The following TUBGCP2 variants were observed in gnomAD, a reference collection of about 807,000 sequenced individuals.
The protein encoded by TUBGCP2 is tubulin gamma complex component 2.
TUBGCP2 carries 55 observed loss-of-function variants against 92.2 expected under a neutral mutation model. The ratio of observed to expected loss-of-function variants is 0.60; its 90% CI spans 0.48 to 0.75. The LOEUF (loss-of-function observed/expected upper bound fraction) is 0.75. TUBGCP2 is among the 30% of genes least tolerant of loss of function. The pLI is 0.00. For missense variants in TUBGCP2, 1,093 were observed against 1,188.9 expected (o/e 0.92, Z 1.19); for synonymous variants, 533 against 505.2 (o/e 1.06, Z -0.74).
chr10:133,308,366 T>C (rs1847878978), intron 1 of TUBGCP2: 1 of 152,224 alleles, frequency 6.6e-6, no homozygotes, highest in Non-Finnish European at 1.5e-5. Flanking sequence ...GAAAGGGCCT[T>C]TGAACTAAAG....
At chr10:133,287,311 C>T (rs1388473279) in intron 11 of TUBGCP2, among the ~76,000 whole-genome samples, 3 of 152,156 alleles carry the variant, frequency 2.0e-5, no homozygotes, top group Admixed American at 6.5e-5. Flanking sequence ...GCAAACCCTG[C>T]CAAACAGCCA....
intron 4 of TUBGCP2, among the ~76,000 whole-genome samples, chr10:133,298,731 G>GC (rs1847551200): frequency 1.3e-5 from 2 of 152,248 alleles, no homozygotes; most frequent in African/African-American, 4.8e-5. Flanking sequence ...TCTGCACGTG[G>GC]CAGTAAGACC....
rs1047872771 is a variant in TUBGCP2 at position 133,288,842 on chromosome 10, G to A, written c.1539C>T (p.Leu513=). 6.2e-7 allele frequency: 1 copy of A among 1,608,724 alleles called. No individual in the cohort carries two copies. Among genetic ancestry groups the A allele is most frequent in the Admixed American group, 1.7e-5 (1 of 59,344 alleles). ...ACAGGGACAGGGCACGGAATCACCT[G>A]AGGTGAGCCACCAGCTCCTTCTCCT... The part of the protein sequence containing the change: ...LMEEKELVAH[L]RSIKRYFLMD... Residue 513 remains leucine, a splice_region_variant and synonymous_variant, in exon 10 of 18, where the codon CTC becomes CTT. Transcript: ENST00000252936.
At chr10:133,283,266 C>T in intron 14 of TUBGCP2, 45 bp from the exon 15 acceptor site, 1 of 1,612,140 alleles carries the variant, frequency 6.2e-7, no homozygotes, top group Non-Finnish European at 8.5e-7. Flanking sequence ...ACGTGGCTGA[C>T]AGACGGGCCC....
At position 133,283,138 on chromosome 10, in the gene TUBGCP2, C is replaced by T; in HGVS notation, c.2229G>A (p.Glu743=). 6.2e-7 allele frequency: 1 copy of T among 1,614,238 alleles called. No individual in the cohort carries two copies. Among genetic ancestry groups the T allele is most frequent in the East Asian group, 2.2e-5 (1 of 44,882 alleles). The change falls in exon 15 of 18, where the codon GAG becomes GAA. Residue 743 remains glutamate, a synonymous_variant. Coordinates refer to ENST00000252936, the MANE Select transcript of TUBGCP2 (RefSeq NM_006659.4). ...CLKDCMLTNP[E]LLKVFSKLMS... ...TGAGCTTGGAGAAGACCTTCAGCAGCTCGGGGTTGGTGAGCATGCAGTCCT... is the reference window on the plus strand; with the variant it reads ...TGAGCTTGGAGAAGACCTTCAGCAGTTCGGGGTTGGTGAGCATGCAGTCCT...
intron 2 of TUBGCP2, chr10:133,301,777 A>G (rs981311798): frequency 1.6e-5 from 2 of 121,382 alleles, no homozygotes; most frequent in South Asian, 2.7e-4. Context: ...CAGTGGCACG[A>G]TATCTCGGCT....
rs757577563 is a variant in TUBGCP2, at chr10:133,284,009, G to A, written c.2025-7C>T. 3.5e-5 allele frequency: 57 copies of A among 1,612,806 alleles called. No homozygotes were observed. In the South Asian group the frequency reaches 6.2e-4, roughly 17 times the overall value. ...AGTGAAAGCCCCAGCAAACCTGAGT[G>A]ACACGGAGGACGGAGGACAGCCATG... is the stretch of plus-strand genomic sequence containing the variant. On this transcript the variant is annotated splice_region_variant and splice_polypyrimidine_tract_variant and intron_variant, in intron 13 of 17. Coordinates refer to ENST00000252936, the MANE Select transcript of TUBGCP2 (RefSeq NM_006659.4).
intron 11 of TUBGCP2, among the ~76,000 whole-genome samples, chr10:133,286,052 T>C (rs1158781019): frequency 6.6e-6 from 1 of 152,106 alleles, no homozygotes; most frequent in Non-Finnish European, 1.5e-5. Flanking sequence ...ATCACTCGAG[T>C]ATTTGCTAAG....
chr10:133,279,798 G>T lies in TUBGCP2; in HGVS notation c.2677C>A (p.Pro893Thr). 6.4e-7 allele frequency: 1 copy of T among 1,570,042 alleles called. No homozygotes were observed. Among genetic ancestry groups the T allele is most frequent in the Non-Finnish European group, 8.6e-7 (1 of 1,158,186 alleles). ...QVPVLRGPPA[P>T]APRVAVTAQ is the part of the protein sequence containing the mutation. ...GCGGTGACTGCGACCCTGGGTGCAGGAGCCGGGGGCCCCCGCAGGACAGGC... is the reference window on the plus strand; with the variant it reads ...GCGGTGACTGCGACCCTGGGTGCAGTAGCCGGGGGCCCCCGCAGGACAGGC... The change falls in exon 18 of 18, where the codon CCT becomes ACT. Residue 893 changes from proline (P) to threonine (T), a missense_variant. Around this residue, in one of 3 missense-constraint regions of TUBGCP2, gnomAD observed 598 missense variants for 675.5 expected, o/e 0.89. Transcript: ENST00000252936.
At chr10:133,297,625 A>G (rs755368151) in intron 5 of TUBGCP2, among the ~76,000 whole-genome samples, 4 of 152,262 alleles carry the variant, frequency 2.6e-5, no homozygotes, top group Non-Finnish European at 5.9e-5. Context: ...TGATGCCTGC[A>G]GGTCTGCACC....
chr10:133,308,902 C>G (rs955705091), upstream of TUBGCP2: 5 of 1,206,352 alleles, frequency 4.1e-6, no homozygotes, highest in Non-Finnish European at 5.2e-6. Context: ...GCTCGGCTCG[C>G]GGACGGTGGC....
At chr10:133,297,620 C>A (rs1345347932) in intron 5 of TUBGCP2, among the ~76,000 whole-genome samples, 1 of 152,250 alleles carries the variant, frequency 6.6e-6, no homozygotes, top group African/African-American at 2.4e-5. Flanking sequence ...AATTCTGATG[C>A]CTGCAGGTCT....
chr10:133,310,304 G>A (rs1847961174), upstream of TUBGCP2: 1 of 1,613,592 alleles, frequency 6.2e-7, no homozygotes, highest in Non-Finnish European at 8.5e-7. Context: ...GAGCCGCCAG[G>A]CTCAGCACGT....
intron 1 of TUBGCP2, among the ~76,000 whole-genome samples, chr10:133,303,935 G>A (rs1452623613): frequency 6.6e-6 from 1 of 152,218 alleles, no homozygotes; most frequent in Non-Finnish European, 1.5e-5. Flanking sequence ...GGTGTAGGGT[G>A]AGCCCACCCC....
chr10:133,292,665 A>G lies in TUBGCP2; in HGVS notation c.1048T>C (p.Cys350Arg). The change falls in exon 8 of 18, where the codon TGT becomes CGT. Residue 350 changes from cysteine (C) to arginine (R), a missense_variant. By Grantham distance (180) the Cys-to-Arg change is radical. Transcript: ENST00000252936. ...AGGCTCAGCGTGGACCCCCCAAGACATTCGCCTTTGTCCACCGAGGTGGCT... is the reference window on the plus strand; with the variant it reads ...AGGCTCAGCGTGGACCCCCCAAGACGTTCGCCTTTGTCCACCGAGGTGGCT... Reference protein sequence around the residue: ...SLATSVDKGECLGGSTLSLLH... With the variant: ...SLATSVDKGERLGGSTLSLLH... 1 of 1,613,730 alleles carries G rather than the reference A, an allele frequency of 6.2e-7. No individual in the cohort carries two copies. The highest frequency in any genetic ancestry group is 8.5e-7 in the Non-Finnish European group (1 of 1,179,808).
In TUBGCP2 at chr10:133,285,867, C is replaced by A. The variant is rs1847123281; in HGVS notation, c.1723-239G>T. ...TCAGATGAATTACTTTGTAAATACC[C>A]ACTGCTGCTGTGGGTGGTATAAGGG... On this transcript the variant is annotated intron_variant, in intron 11 of 17. Coordinates refer to ENST00000252936, the MANE Select transcript of TUBGCP2 (RefSeq NM_006659.4). The surrounding 1 kb of genome is among the most constrained non-coding windows in gnomAD (Gnocchi z 6.8). Among the ~76,000 whole-genome samples the A allele has an allele frequency of 6.6e-6, 1 of 152,066 alleles. No homozygotes were observed. Among genetic ancestry groups the A allele is most frequent in the East Asian group, 1.9e-4 (1 of 5,182 alleles).
upstream of TUBGCP2, chr10:133,309,230 G>GA: frequency 2.1e-6 from 2 of 964,026 alleles, no homozygotes; most frequent in East Asian, 3.0e-5. Flanking sequence ...GGCGGGACCT[G>GA]AGGTGGTGGG....
intron 11 of TUBGCP2, 30 bp downstream of exon 11, chr10:133,288,099 C>G: frequency 6.3e-7 from 1 of 1,595,774 alleles, no homozygotes; most frequent in Non-Finnish European, 8.6e-7. Flanking sequence ...GCCTCTGCCA[C>G]AGGGGACAGC....
chr10:133,309,605 G>T (rs1847939806), upstream of TUBGCP2: 9 of 1,270,344 alleles, frequency 7.1e-6, no homozygotes, highest in Non-Finnish European at 9.9e-6. Context: ...TGGCGTGGCC[G>T]ACTCTTCCAC....
Sources: gnomAD v4.1 joint callset for allele counts (sites outside exome capture counted in the v4.1 genomes callset) on GRCh38, gnomAD v4.1.1 for gene constraint, gnomAD v4.1.1 regional missense constraint, Gnocchi (gnomAD v3.1) non-coding constraint, MANE v1.5 for transcripts, NCBI Gene and HGNC (gene_info 2026-07-23, HGNC 2026-07-21) for gene names.